The following PDE7A variants were observed in gnomAD, a reference collection of about 807,000 sequenced individuals.
PDE7A encodes the protein high affinity 3',5'-cyclic-AMP phosphodiesterase 7A.
In PDE7A, 39 loss-of-function variants were observed where a neutral mutation model predicts 64.3. That is an observed-to-expected ratio of 0.61 (90% CI 0.47 to 0.79). PDE7A has a LOEUF of 0.79. PDE7A is among the 30% of genes least tolerant of loss of function. The pLI, the probability that PDE7A is intolerant of heterozygous loss-of-function variation, is 0.00. For missense variants in PDE7A, 470 were observed against 582.8 expected, an observed-to-expected ratio of 0.81 and a Z score of 1.99; for synonymous variants, 203 against 206.8, an observed-to-expected ratio of 0.98 and a Z score of 0.16.
At position 65,734,116 on chromosome 8, in the gene PDE7A, C is replaced by T. The variant is rs574879739; in HGVS notation, c.696+678G>A. 1.4e-3 allele frequency among the ~76,000 whole-genome samples: 209 copies of T among 152,314 alleles called. 1 individual carries two copies. Among genetic ancestry groups the T allele is most frequent in the African/African-American group, 4.5e-3 (188 of 41,572 alleles). On this transcript the variant is annotated intron_variant, in intron 7 of 12. Transcript: ENST00000401827. ...AGGATGTCAAATACATTTAATACCA[C>T]GGATCCAAAATGGTGCTCACTGTCT...
chr8:65,723,592 C>A lies in PDE7A; in HGVS notation c.1192G>T (p.Val398Leu). Residue 398 changes from valine to leucine, a missense_variant, in exon 12 of 13, where the codon GTG (valine) becomes TTG (leucine). Physicochemically the swap from Val to Leu is conservative, Grantham distance 32 (BLOSUM62 1). Coordinates refer to ENST00000401827, the MANE Select transcript of PDE7A (RefSeq NM_001242318.3). ...GTGTGACGATCGCAAAGTGGACTCA[C>A]ACCCAAATGATATTTTTTTTCTATA... ...GDIEKKYHLG[V>L]SPLCDRHTES... 1 of 1,579,138 alleles carries A rather than the reference C, an allele frequency of 6.3e-7. No individual in the cohort carries two copies. The highest frequency in any genetic ancestry group is 1.2e-5 in the South Asian group (1 of 82,968).
chr8:65,729,811 C>T (rs1293484860), intron 7 of PDE7A, among the ~76,000 whole-genome samples: 4 of 151,902 alleles, frequency 2.6e-5, no homozygotes, highest in Non-Finnish European at 4.4e-5. Context: ...TCAGGTGATC[C>T]GCCTGCCTTG....
intron 3 of PDE7A, among the ~76,000 whole-genome samples, chr8:65,754,333 AC>A (rs1808114106): frequency 6.6e-6 from 1 of 151,904 alleles, no homozygotes; most frequent in Non-Finnish European, 1.5e-5. Flanking sequence ...TCACAGACAC[AC>A]CCAGGATCAA....
At chr8:65,743,359 G>C (rs914095760) in intron 5 of PDE7A, among the ~76,000 whole-genome samples, 1 of 152,152 alleles carries the variant, frequency 6.6e-6, no homozygotes, top group Non-Finnish European at 1.5e-5. Context: ...CTGTGTGTAC[G>C]GGCCAAGGTG....
chr8:65,798,196 A>T (rs1563511757), intron 1 of PDE7A, among the ~76,000 whole-genome samples: 1 of 22,112 alleles, frequency 4.5e-5, no homozygotes, highest in African/African-American at 2.2e-4. Context: ...ATATATATAT[A>T]TATATATATA....
intron 7 of PDE7A, chr8:65,728,402 T>C (rs1218943509): frequency 6.6e-6 from 1 of 152,230 alleles, no homozygotes; most frequent in Non-Finnish European, 1.5e-5. Flanking sequence ...GTTAAGTTCA[T>C]CTCAGTCAGA....
intron 1 of PDE7A, among the ~76,000 whole-genome samples, chr8:65,791,409 A>G (rs897443917): frequency 6.6e-6 from 1 of 152,248 alleles, no homozygotes; most frequent in Non-Finnish European, 1.5e-5. Context: ...TTGCTAAATC[A>G]GAATTAAATT....
chr8:65,771,487 G>C (rs570303745), intron 3 of PDE7A, among the ~76,000 whole-genome samples: 1 of 151,936 alleles, frequency 6.6e-6, no homozygotes, highest in South Asian at 2.1e-4. Context: ...TGTTGATATC[G>C]ATCTCCCTCT....
intron 6 of PDE7A, 33 bp downstream of exon 6, chr8:65,739,469 T>A (rs1807304581): frequency 1.3e-6 from 2 of 1,520,794 alleles, no homozygotes; most frequent in African/African-American, 1.4e-5. Flanking sequence ...TAAATGTAAA[T>A]CTTGTTACTG....
In PDE7A at chr8:65,719,508, G is replaced by C; in HGVS notation, c.1244-13C>G. On this transcript the variant is annotated splice_polypyrimidine_tract_variant and intron_variant, in intron 12 of 12. Coordinates refer to ENST00000401827, the MANE Select transcript of PDE7A (RefSeq NM_001242318.3). ...TAAGTCATAAAACCTTGAGAAAATA[G>C]GAGAAAAAGTTATTAACATATATGC... 6.4e-7 allele frequency: 1 copy of C among 1,561,670 alleles called. No individual in the cohort carries two copies. The highest frequency in any genetic ancestry group is 8.8e-7 in the Non-Finnish European group (1 of 1,132,620).
At chr8:65,764,124 C>T (rs937670542) in intron 3 of PDE7A, among the ~76,000 whole-genome samples, 2 of 152,138 alleles carry the variant, frequency 1.3e-5, no homozygotes, top group Non-Finnish European at 2.9e-5. Flanking sequence ...TCTCTACAAG[C>T]ACCACTTTGT....
intron 3 of PDE7A, among the ~76,000 whole-genome samples, chr8:65,756,160 G>A (rs1291917885): frequency 2.6e-5 from 4 of 152,152 alleles, no homozygotes; most frequent in Non-Finnish European, 5.9e-5. Context: ...CCTTGTACAA[G>A]ACAAGTTGCT....
intron 3 of PDE7A, among the ~76,000 whole-genome samples, chr8:65,772,412 G>T (rs988344652): frequency 2.0e-5 from 3 of 152,150 alleles, no homozygotes; most frequent in Admixed American, 1.3e-4. Context: ...AACACATCCT[G>T]CAAGGTTGCT....
intron 3 of PDE7A, among the ~76,000 whole-genome samples, chr8:65,759,797 T>C (rs934599760): frequency 2.6e-5 from 4 of 152,098 alleles, no homozygotes; most frequent in Non-Finnish European, 4.4e-5. Context: ...TGGGGAAAGG[T>C]TGCATGTGAG....
At chr8:65,761,956 A>G (rs141011216) in intron 3 of PDE7A, among the ~76,000 whole-genome samples, 129 of 152,284 alleles carry the variant, frequency 8.5e-4, no homozygotes, top group African/African-American at 3.0e-3. Flanking sequence ...CGATGTCACA[A>G]AAGAGGCCTT....
intron 1 of PDE7A, among the ~76,000 whole-genome samples, chr8:65,817,236 T>C (rs553123278): frequency 1.3e-5 from 2 of 152,232 alleles, no homozygotes; most frequent in African/African-American, 4.8e-5. Flanking sequence ...TATGCCTCCC[T>C]AATGTCAAAA....
intron 3 of PDE7A, among the ~76,000 whole-genome samples, chr8:65,771,949 C>T (rs559552453): frequency 6.9e-6 from 1 of 144,900 alleles, no homozygotes; most frequent in Admixed American, 6.9e-5. Context: ...GCAGGGATAA[C>T]GGTTAGTTAG....
In PDE7A at chr8:65,718,637, T is replaced by C. The variant is rs956731163; in HGVS notation, c.*653A>G. 6.6e-6 allele frequency: 1 copy of C among 152,492 alleles called. No individual in the cohort carries two copies. Among genetic ancestry groups the C allele is most frequent in the Non-Finnish European group, 1.5e-5 (1 of 68,236 alleles). 9.4% of individuals were successfully genotyped at this position (152,492 alleles called of 1,614,324 possible). On this transcript the variant is annotated 3_prime_UTR_variant, in exon 13 of 13. Coordinates refer to ENST00000401827, the MANE Select transcript of PDE7A (RefSeq NM_001242318.3). ...CTTGGCGGTACTCTACGATAAATGCTCAGTTTCCAGTGCATGAAATAAAAC... is the reference window on the plus strand; with the variant it reads ...CTTGGCGGTACTCTACGATAAATGCCCAGTTTCCAGTGCATGAAATAAAAC...
At chr8:65,742,137 T>C (rs1262998648) in intron 5 of PDE7A, among the ~76,000 whole-genome samples, 1 of 152,180 alleles carries the variant, frequency 6.6e-6, no homozygotes, top group Non-Finnish European at 1.5e-5. Flanking sequence ...AAAATGGAAA[T>C]GGAAACACTT....
Sources: gnomAD v4.1 joint callset for allele counts (sites outside exome capture counted in the v4.1 genomes callset) on GRCh38, gnomAD v4.1.1 for gene constraint, MANE v1.5 for transcripts, NCBI Gene and HGNC (gene_info 2026-07-23, HGNC 2026-07-21) for gene names.